The following GRID2 variants were observed in gnomAD, a reference collection of about 807,000 sequenced individuals.
The protein encoded by GRID2 is glutamate ionotropic receptor delta type subunit 2, also known as glutamate receptor ionotropic, delta-2.
A neutral mutation model predicts 114.8 loss-of-function variants in GRID2; 33 were observed. That is an observed-to-expected ratio of 0.29 (90% CI 0.22 to 0.38). The LOEUF is 0.38. Ranked by LOEUF, GRID2 falls within the 10% of genes least tolerant of loss-of-function variation. The pLI is 1.00. For missense variants in GRID2, 1,184 were observed against 1,257.7 expected (o/e 0.94, Z 0.89); for synonymous variants, 505 against 449.9 (o/e 1.12, Z -1.55).
At chr4:93,410,947 T>C (rs550017294) in intron 9 of GRID2, among the ~76,000 whole-genome samples, 2 of 152,208 alleles carry the variant, frequency 1.3e-5, no homozygotes, top group African/African-American at 4.8e-5. Context: ...TGGCCTTCAC[T>C]ATACTTTATT....
intron 4 of GRID2, among the ~76,000 whole-genome samples, chr4:93,127,417 C>T (rs1191879362): frequency 6.6e-6 from 1 of 152,134 alleles, no homozygotes; most frequent in Non-Finnish European, 1.5e-5. Flanking sequence ...TGAACATATA[C>T]ATAAACTGAG....
At chr4:93,078,608 T>C (rs1041824652) in intron 2 of GRID2, among the ~76,000 whole-genome samples, 1 of 149,160 alleles carries the variant, frequency 6.7e-6, no homozygotes, top group East Asian at 2.0e-4. Context: ...AGCTATGAAA[T>C]CTATCATTGA....
At chr4:93,698,520 C>G (rs1225729336) in intron 14 of GRID2, among the ~76,000 whole-genome samples, 1 of 151,986 alleles carries the variant, frequency 6.6e-6, no homozygotes, top group African/African-American at 2.4e-5. Context: ...GAGGTCATAA[C>G]TTGAACTGAG....
At chr4:93,661,510 G>A (rs6855368) in intron 14 of GRID2, among the ~76,000 whole-genome samples, 83,637 of 152,000 alleles carry the variant, frequency 0.55, 24,712 homozygotes, top group African/African-American at 0.78. Context: ...AAGCTCATTC[G>A]CACTTGAATT....
At chr4:93,309,415 A>T (rs56043153) in intron 8 of GRID2, among the ~76,000 whole-genome samples, 8,257 of 151,996 alleles carry the variant, frequency 0.054, 759 homozygotes, top group African/African-American at 0.19. Flanking sequence ...ATGCCTGTAG[A>T]CCCAGCTACT....
intron 1 of GRID2, among the ~76,000 whole-genome samples, chr4:92,408,408 C>T (rs1485030342): frequency 4.5e-5 from 3 of 66,930 alleles, no homozygotes; most frequent in African/African-American, 1.6e-4. Context: ...TTTTTGCTTA[C>T]AATTATATTG....
In GRID2 at chr4:93,697,869, G is replaced by GTGTGTATATATATATATATATATATATA. The variant is rs1553986412; in HGVS notation, c.2361-71340_2361-71339insGTGTATATATATATATATATATATATAT. Among the ~76,000 whole-genome samples the GTGTGTATATATATATATATATATATATA allele has an allele frequency of 2.0e-3, 248 of 122,692 alleles. 2 individuals carry two copies. Among genetic ancestry groups the GTGTGTATATATATATATATATATATATA allele is most frequent in the Middle Eastern group, 4.2e-3 (1 of 236 alleles). 80.5% of individuals were successfully genotyped at this position (122,692 alleles called of 152,430 possible). On this transcript the variant is annotated intron_variant, in intron 14 of 15. Coordinates refer to ENST00000282020, the MANE Select transcript of GRID2 (RefSeq NM_001510.4). The stretch of plus-strand genomic sequence containing the variant: ...TCAATTTAGTCATTCCACAATGTGT[G>GTGTGTATATATATATATATATATATATA]TATATATATATTTCAAAACAATACG...
chr4:93,424,444 T>G (rs1768640936), intron 10 of GRID2, among the ~76,000 whole-genome samples: 1 of 152,292 alleles, frequency 6.6e-6, no homozygotes, highest in Non-Finnish European at 1.5e-5. Context: ...ATATTCTTAC[T>G]GGATATCAAA....
chr4:93,409,638 A>G (rs1303999361), intron 9 of GRID2, among the ~76,000 whole-genome samples: 1 of 152,202 alleles, frequency 6.6e-6, no homozygotes, highest in Non-Finnish European at 1.5e-5. Flanking sequence ...CGACCATGTC[A>G]AAGACTAAGA....
chr4:92,375,622 T>C (rs765799432), intron 1 of GRID2, among the ~76,000 whole-genome samples: 6 of 152,020 alleles, frequency 3.9e-5, no homozygotes, highest in Non-Finnish European at 5.9e-5. Flanking sequence ...AAAGGTATCA[T>C]GTTGAACACA....
At chr4:93,340,240 CTTT>C (rs33924908) in intron 8 of GRID2, among the ~76,000 whole-genome samples, 202 of 139,748 alleles carry the variant, frequency 1.4e-3, no homozygotes, top group Middle Eastern at 3.9e-3. Context: ...TATCTCCTCT[CTTT>C]TTTTTTTTTT....
intron 1 of GRID2, among the ~76,000 whole-genome samples, chr4:92,568,158 T>A (rs998088685): frequency 6.6e-6 from 1 of 151,882 alleles, no homozygotes; most frequent in Non-Finnish European, 1.5e-5. Flanking sequence ...CTAGAAGGAA[T>A]AACGAGATCA....
chr4:92,577,367 G>T (rs113516902), intron 1 of GRID2, among the ~76,000 whole-genome samples: 4,294 of 152,258 alleles, frequency 0.028, 183 homozygotes, highest in African/African-American at 0.089. Context: ...AGATTGAGTT[G>T]TTACTAAGGT....
chr4:93,051,251 G>A (rs1340270901), intron 2 of GRID2, among the ~76,000 whole-genome samples: 1 of 151,982 alleles, frequency 6.6e-6, no homozygotes, highest in Non-Finnish European at 1.5e-5. Flanking sequence ...AAATACCTTG[G>A]GGGAGAAACG....
At chr4:92,945,250 T>C (rs931553565) in intron 2 of GRID2, among the ~76,000 whole-genome samples, 1 of 152,208 alleles carries the variant, frequency 6.6e-6, no homozygotes, top group Non-Finnish European at 1.5e-5. Context: ...GATAGTTTAC[T>C]GTAGAATAAA....
chr4:93,178,274 G>A (rs988266336), intron 4 of GRID2, among the ~76,000 whole-genome samples: 24 of 150,106 alleles, frequency 1.6e-4, no homozygotes, highest in African/African-American at 4.2e-4. Context: ...GCAGTGTCAC[G>A]TTCACCAGAT....
In GRID2 at chr4:93,275,067, C is replaced by T. The variant is rs557979172; in HGVS notation, c.1245+36577C>T. ...CTGTACATCCAATAGTAGTCACCCC[C>T]GACTTCCCCCTTTTCTCAGCCTCTG... On this transcript the variant is annotated intron_variant, in intron 8 of 15. Transcript: ENST00000282020. 9.2e-5 allele frequency among the ~76,000 whole-genome samples: 14 copies of T among 151,976 alleles called. No homozygotes were observed. In the South Asian group the frequency reaches 1.7e-3, roughly 18 times the overall value.
In GRID2 at chr4:93,137,334, T is replaced by C. The variant is rs143967670; in HGVS notation, c.735+26381T>C. ...TTTGAATAATTTTTATAGGCATTAT[T>C]ATGATTACTATGCAGGATGATGCCT... On this transcript the variant is annotated intron_variant, in intron 4 of 15. Transcript: ENST00000282020. Among the ~76,000 whole-genome samples the C allele has an allele frequency of 6.1e-4, 93 of 152,342 alleles. 1 individual carries two copies. The East Asian group carries it at 0.017, about 28-fold the overall frequency.
intron 8 of GRID2, among the ~76,000 whole-genome samples, chr4:93,341,017 A>G (rs891369725): frequency 2.0e-5 from 3 of 152,158 alleles, no homozygotes; most frequent in African/African-American, 7.2e-5. Context: ...TATTCTTGCA[A>G]CAATTTTAAC....
Sources: gnomAD v4.1 joint callset for allele counts (sites outside exome capture counted in the v4.1 genomes callset) on GRCh38, gnomAD v4.1.1 for gene constraint, MANE v1.5 for transcripts, NCBI Gene and HGNC (gene_info 2026-07-23, HGNC 2026-07-21) for gene names.